ATP2B1: variants seen among roughly 807,000 people sequenced by gnomAD.
ATP2B1 encodes the protein plasma membrane calcium-transporting ATPase 1.
ATP2B1 carries 14 observed loss-of-function variants against 124.2 expected under a neutral mutation model. The ratio of observed to expected loss-of-function variants is 0.11; its 90% CI spans 0.07 to 0.18. The LOEUF is 0.18. Among genes scored for constraint, ATP2B1 ranks in the 10% least tolerant of loss-of-function variants. The pLI is 1.00. For synonymous variants in ATP2B1, 449 were observed against 492.4 expected, an observed-to-expected ratio of 0.91 and a Z score of 1.17; for missense variants, 763 against 1,466.1, an observed-to-expected ratio of 0.52 and a Z score of 7.83.
At chr12:89,707,115 T>C (rs1892551088) in intron 1 of ATP2B1, among the ~76,000 whole-genome samples, 2 of 151,344 alleles carry the variant, frequency 1.3e-5, no homozygotes, top group South Asian at 4.2e-4. Context: ...AACGCACAAG[T>C]ACAAAAAGCA....
At chr12:89,702,471 T>C (rs1471902987) in intron 1 of ATP2B1, among the ~76,000 whole-genome samples, 6 of 152,222 alleles carry the variant, frequency 3.9e-5, no homozygotes, top group Non-Finnish European at 1.5e-5. Flanking sequence ...TACAAGATTA[T>C]TATTTAAAAT....
At chr12:89,633,408 C>T (rs928640842) in intron 5 of ATP2B1, among the ~76,000 whole-genome samples, 11 of 151,286 alleles carry the variant, frequency 7.3e-5, no homozygotes, top group African/African-American at 2.7e-4. Context: ...CCCATTAACT[C>T]GTCATTTAGC....
At chr12:89,673,516 T>A (rs1464983988) in intron 1 of ATP2B1, among the ~76,000 whole-genome samples, 2 of 152,174 alleles carry the variant, frequency 1.3e-5, no homozygotes, top group African/African-American at 4.8e-5. Flanking sequence ...AAATTTCAGA[T>A]CTGGTCGTAT....
chr12:89,681,316 C>T (rs1331912639), intron 1 of ATP2B1, among the ~76,000 whole-genome samples: 2 of 151,654 alleles, frequency 1.3e-5, no homozygotes, highest in African/African-American at 2.4e-5. Flanking sequence ...GAAAATACAG[C>T]TTACCAAAAC....
intron 3 of ATP2B1, among the ~76,000 whole-genome samples, chr12:89,637,094 GT>G (rs758200182): frequency 9.9e-5 from 15 of 152,284 alleles, no homozygotes; most frequent in Non-Finnish European, 2.2e-4. Context: ...TATTATCCAA[GT>G]GAAGCATTTT....
intron 1 of ATP2B1, among the ~76,000 whole-genome samples, chr12:89,676,831 T>C (rs1382972653): frequency 1.3e-5 from 2 of 152,138 alleles, no homozygotes; most frequent in Non-Finnish European, 2.9e-5. Flanking sequence ...TAAATTCTCA[T>C]TGTTAAAAGA....
chr12:89,703,637 G>A (rs947574859), intron 1 of ATP2B1, among the ~76,000 whole-genome samples: 1 of 151,972 alleles, frequency 6.6e-6, no homozygotes, highest in African/African-American at 2.4e-5. Context: ...CAGACATTAA[G>A]ACATGAAAAT....
At chr12:89,708,285 AGACCT>A (rs1433448425) in intron 1 of ATP2B1, among the ~76,000 whole-genome samples, 4 of 152,140 alleles carry the variant, frequency 2.6e-5, no homozygotes, top group African/African-American at 9.7e-5. Context: ...GTGAAGCCGA[AGACCT>A]GCGGGTGTAG....
intron 7 of ATP2B1, among the ~76,000 whole-genome samples, chr12:89,627,387 T>C (rs1233147838): frequency 7.2e-6 from 1 of 138,522 alleles, no homozygotes; most frequent in Non-Finnish European, 1.5e-5. Flanking sequence ...ATGCAAATAT[T>C]CCAAAATCCA....
rs192789072 is a variant in ATP2B1, at chr12:89,643,283, A to C, written c.209-928T>G. Among the ~76,000 whole-genome samples, 364 of 151,780 alleles carry C rather than the reference A, an allele frequency of 2.4e-3. 3 individuals carry two copies. Among genetic ancestry groups the C allele is most frequent in the African/African-American group, 6.8e-3 (280 of 41,406 alleles). On this transcript the variant is annotated intron_variant, in intron 2 of 20. Transcript: ENST00000428670. ...ATACACATATATATATATTTGGTTC[A>C]GTTATATAGATATAGATACAGATTT...
In ATP2B1 at chr12:89,590,980, A is replaced by C; in HGVS notation, c.*4T>G. 1 of 1,609,474 alleles carries C rather than the reference A, an allele frequency of 6.2e-7. No homozygotes were observed. The highest frequency in any genetic ancestry group is 8.5e-7 in the Non-Finnish European group (1 of 1,176,676). On this transcript the variant is annotated 3_prime_UTR_variant, in exon 21 of 21. Coordinates refer to ENST00000428670, the MANE Select transcript of ATP2B1 (RefSeq NM_001366521.1). The stretch of plus-strand genomic sequence containing the variant: ...CAGCTAGTGTGTTAACATTCAGCTT[A>C]CAATCAGAGTGATGTTTCCAAACTA...
upstream of ATP2B1, chr12:89,709,138 G>C (rs944072742): frequency 2.7e-5 from 4 of 150,886 alleles, no homozygotes; most frequent in African/African-American, 9.7e-5. Flanking sequence ...AGGGGGCTGC[G>C]CGCAGCTCCG....
intron 20 of ATP2B1, among the ~76,000 whole-genome samples, chr12:89,596,321 T>A (rs1050538440): frequency 1.3e-5 from 2 of 152,112 alleles, no homozygotes; most frequent in Non-Finnish European, 2.9e-5. Context: ...GTAGAACCCT[T>A]CATAAGACAA....
At chr12:89,636,246 G>A (rs1432200887) in intron 3 of ATP2B1, among the ~76,000 whole-genome samples, 1 of 152,072 alleles carries the variant, frequency 6.6e-6, no homozygotes, top group East Asian at 1.9e-4. Flanking sequence ...GAGAGAATGA[G>A]CCAAAACTCT....
intron 2 of ATP2B1, among the ~76,000 whole-genome samples, chr12:89,643,061 T>TAAATACACAC (rs1883816079): frequency 1.0e-5 from 1 of 98,712 alleles, no homozygotes; most frequent in African/African-American, 3.7e-5. Context: ...TATATAAAGA[T>TAAATACACAC]ACATACACAC....
intron 20 of ATP2B1, chr12:89,593,450 G>A (rs1480060997): frequency 6.6e-6 from 1 of 152,074 alleles, no homozygotes; most frequent in Non-Finnish European, 1.5e-5. Flanking sequence ...ACTGAAGATA[G>A]AACAACAGTT....
Position 89,697,064 on chromosome 12 carries a change from CAAA to C in ATP2B1, c.-222+11529_-222+11531del, listed in dbSNP as rs59301153. Among the ~76,000 whole-genome samples the C allele has an allele frequency of 3.3e-3, 376 of 114,218 alleles. 2 individuals are homozygous for C. Among genetic ancestry groups the C allele is most frequent in the Middle Eastern group, 9.3e-3 (2 of 214 alleles). 74.9% of individuals were successfully genotyped at this position (114,218 alleles called of 152,430 possible). A position where few individuals can be genotyped will look rare whatever the true frequency, so the allele number is the denominator to read the frequency against. ...TGTTTTCCCGAGATTCTACTTCCTT[CAAA>C]AAAAAAAAAAAAAAAAGCAAGAAGT... On this transcript the variant is annotated intron_variant, in intron 1 of 20. Transcript: ENST00000428670.
At chr12:89,703,340 A>G (rs1892073057) in intron 1 of ATP2B1, among the ~76,000 whole-genome samples, 1 of 152,226 alleles carries the variant, frequency 6.6e-6, no homozygotes, top group Non-Finnish European at 1.5e-5. Flanking sequence ...TAAGTGAGAC[A>G]GCAGTAACTT....
At chr12:89,601,163 TG>T in intron 19 of ATP2B1, among the ~76,000 whole-genome samples, 162 bp downstream of exon 19, 1 of 152,244 alleles carries the variant, frequency 6.6e-6, no homozygotes, top group Admixed American at 6.5e-5. Flanking sequence ...AGTGACATAC[TG>T]GAACTAATAC....
Sources: gnomAD v4.1 joint callset for allele counts (sites outside exome capture counted in the v4.1 genomes callset) on GRCh38, gnomAD v4.1.1 for gene constraint, MANE v1.5 for transcripts, NCBI Gene and HGNC (gene_info 2026-07-23, HGNC 2026-07-21) for gene names.